The following ROBO1 variants were observed in gnomAD, a reference collection of about 807,000 sequenced individuals.
The protein encoded by ROBO1 is roundabout guidance receptor 1.
Under a neutral mutation model 195.9 loss-of-function variants are expected in ROBO1, and 149 were observed. The observed-to-expected ratio is 0.76, with a 90% confidence interval of 0.67 to 0.87. ROBO1 has a LOEUF of 0.87. ROBO1 is among the 40% of genes least tolerant of loss of function. The probability of loss-of-function intolerance (pLI) is 0.00; values close to 1 mark genes in which losing one functional copy is unlikely to be tolerated. For synonymous variants in ROBO1, 816 were observed against 733.2 expected (o/e 1.11, Z -1.82); for missense variants, 1,933 against 2,068.3 (o/e 0.93, Z 1.27).
At chr3:78,996,099 TTA>T (rs2077358681) in intron 3 of ROBO1, among the ~76,000 whole-genome samples, 1 of 152,112 alleles carries the variant, frequency 6.6e-6, no homozygotes, top group Non-Finnish European at 1.5e-5. Context: ...ATTTCAATTT[TTA>T]TATGTTACCC....
chr3:79,322,672 C>T (rs990201608), intron 2 of ROBO1, among the ~76,000 whole-genome samples: 2 of 152,092 alleles, frequency 1.3e-5, no homozygotes, highest in Non-Finnish European at 2.9e-5. Context: ...AACCATTTGG[C>T]CGTATATTGG....
intron 4 of ROBO1, among the ~76,000 whole-genome samples, chr3:78,799,435 G>A (rs978197303): frequency 6.6e-6 from 1 of 151,590 alleles, no homozygotes; most frequent in African/African-American, 2.4e-5. Context: ...TCTGCCTCCC[G>A]GGTTCACGCC....
intron 2 of ROBO1, among the ~76,000 whole-genome samples, chr3:79,422,463 T>G (rs1407355204): frequency 1.3e-5 from 2 of 152,016 alleles, no homozygotes; most frequent in African/African-American, 4.8e-5. Flanking sequence ...TTGACAAACA[T>G]TTATTAAAAC....
At chr3:79,524,152 T>G (rs1313957609) in intron 2 of ROBO1, among the ~76,000 whole-genome samples, 1 of 150,450 alleles carries the variant, frequency 6.6e-6, no homozygotes, top group African/African-American at 2.4e-5. Context: ...CCCACTATTC[T>G]CCTTCATTTG....
chr3:79,640,749 T>C (rs1339266663), intron 1 of ROBO1, among the ~76,000 whole-genome samples: 2 of 152,172 alleles, frequency 1.3e-5, no homozygotes, highest in East Asian at 1.9e-4. Flanking sequence ...CAGTTCTTTA[T>C]TGGATTTTAA....
At chr3:79,133,950 G>T (rs957337598) in intron 2 of ROBO1, among the ~76,000 whole-genome samples, 1 of 152,044 alleles carries the variant, frequency 6.6e-6, no homozygotes, top group African/African-American at 2.4e-5. Flanking sequence ...GCCGTGTGAG[G>T]TGTCACCATT....
At chr3:78,809,120 A>G (rs1400164336) in intron 4 of ROBO1, among the ~76,000 whole-genome samples, 1 of 152,152 alleles carries the variant, frequency 6.6e-6, no homozygotes, top group Non-Finnish European at 1.5e-5. Context: ...CTTAATATCC[A>G]GAATCTATAA....
chr3:79,379,819 T>A (rs1307840578), intron 2 of ROBO1, among the ~76,000 whole-genome samples: 1 of 152,206 alleles, frequency 6.6e-6, no homozygotes, highest in East Asian at 1.9e-4. Context: ...TTTATAGACA[T>A]ATAAAATATT....
At chr3:79,048,839 C>T (rs190394210) in intron 3 of ROBO1, among the ~76,000 whole-genome samples, 24 of 152,218 alleles carry the variant, frequency 1.6e-4, no homozygotes, top group East Asian at 5.8e-4. Context: ...CAAACAGATA[C>T]GAATACCATA....
intron 4 of ROBO1, among the ~76,000 whole-genome samples, chr3:78,834,695 G>A (rs1014124705): frequency 2.0e-5 from 3 of 151,776 alleles, no homozygotes; most frequent in East Asian, 1.9e-4. Flanking sequence ...TTCTTTATCC[G>A]GCCTTGAGTT....
At chr3:78,740,764 C>T (rs964989709) in intron 5 of ROBO1, among the ~76,000 whole-genome samples, 19 of 152,052 alleles carry the variant, frequency 1.2e-4, no homozygotes, top group African/African-American at 3.4e-4. Flanking sequence ...TGAGCCACCG[C>T]GCCTGGCAAA....
chr3:78,635,312 A>G (rs1475602539), intron 23 of ROBO1, among the ~76,000 whole-genome samples: 1 of 152,178 alleles, frequency 6.6e-6, no homozygotes, highest in Non-Finnish European at 1.5e-5. Flanking sequence ...ACATACAACA[A>G]ATTGAACCAC....
chr3:78,809,178 A>G (rs9756451), intron 4 of ROBO1, among the ~76,000 whole-genome samples: 27,473 of 152,132 alleles, frequency 0.18, 3,257 homozygotes, highest in East Asian at 0.49. Context: ...AAAAGTGGGC[A>G]AAGGATATAA....
At chr3:79,201,112 C>T (rs2081755576) in intron 2 of ROBO1, among the ~76,000 whole-genome samples, 1 of 151,854 alleles carries the variant, frequency 6.6e-6, no homozygotes, top group Non-Finnish European at 1.5e-5. Context: ...TTCTTAATAG[C>T]CTATTCTGGA....
intron 2 of ROBO1, among the ~76,000 whole-genome samples, chr3:79,282,873 G>C (rs2031617963): frequency 6.6e-6 from 1 of 152,056 alleles, no homozygotes; most frequent in Admixed American, 6.6e-5. Flanking sequence ...TATTATTAAA[G>C]AAATGATAAG....
At chr3:79,536,432 A>T (rs1941866164) in intron 2 of ROBO1, among the ~76,000 whole-genome samples, 1 of 152,154 alleles carries the variant, frequency 6.6e-6, no homozygotes, top group Non-Finnish European at 1.5e-5. Context: ...CTGTCAATAG[A>T]TTGATAATTT....
chr3:79,729,461 CTA>C (rs969430587), intron 1 of ROBO1, among the ~76,000 whole-genome samples: 1 of 152,128 alleles, frequency 6.6e-6, no homozygotes, highest in Admixed American at 6.5e-5. Context: ...TAGTACATAT[CTA>C]TTTAAAAACA....
At chr3:79,689,547 C>A (rs1947238652) in intron 1 of ROBO1, among the ~76,000 whole-genome samples, 1 of 151,910 alleles carries the variant, frequency 6.6e-6, no homozygotes, top group Non-Finnish European at 1.5e-5. Flanking sequence ...TAATCACCAT[C>A]CCCTTTTCCT....
intron 2 of ROBO1, among the ~76,000 whole-genome samples, chr3:79,402,975 T>A (rs1032198299): frequency 1.3e-5 from 2 of 151,908 alleles, no homozygotes; most frequent in African/African-American, 2.4e-5. Context: ...CTTTTTTCAG[T>A]TTATCATAGA....
Sources: allele counts gnomAD v4.1 joint callset (sites outside exome capture counted in the v4.1 genomes callset), GRCh38; gene constraint gnomAD v4.1.1; transcripts MANE v1.5; gene names NCBI Gene and HGNC (gene_info 2026-07-23, HGNC 2026-07-21).